The following PCSK5 variants were observed in gnomAD, a reference collection of about 807,000 sequenced individuals.
PCSK5 encodes prohormone convertase 5.
PCSK5 carries 129 observed loss-of-function variants against 233.2 expected under a neutral mutation model. That is an observed-to-expected ratio of 0.55 (90% CI 0.48 to 0.64). The LOEUF (loss-of-function observed/expected upper bound fraction) is 0.64, where lower values mean the gene tolerates loss of function less well. Ranked by LOEUF, PCSK5 falls within the 30% of genes least tolerant of loss-of-function variation. The pLI, the probability that PCSK5 is intolerant of heterozygous loss-of-function variation, is 0.00. For missense variants in PCSK5, 2,076 were observed against 2,430.1 expected, an observed-to-expected ratio of 0.85 and a Z score of 3.06; for synonymous variants, 825 against 879.2, an observed-to-expected ratio of 0.94 and a Z score of 1.09.
chr9:76,130,615 A>C (rs1187888412), intron 9 of PCSK5, among the ~76,000 whole-genome samples: 1 of 152,208 alleles, frequency 6.6e-6, no homozygotes, highest in East Asian at 1.9e-4. Context: ...AGTGCTCACT[A>C]GATGTTGGTT....
intron 7 of PCSK5, among the ~76,000 whole-genome samples, chr9:76,088,796 A>G (rs1831166393): frequency 6.6e-6 from 1 of 152,310 alleles, no homozygotes; most frequent in East Asian, 1.9e-4. Context: ...GTTATGATAA[A>G]TGTTATCAAA....
intron 7 of PCSK5, among the ~76,000 whole-genome samples, chr9:76,091,001 C>T (rs1400720685): frequency 6.6e-6 from 1 of 151,982 alleles, no homozygotes; most frequent in East Asian, 1.9e-4. Flanking sequence ...AATCCATTGC[C>T]ACTGCTGATC....
chr9:76,281,768 C>A (rs768691573), intron 24 of PCSK5, among the ~76,000 whole-genome samples: 1 of 152,208 alleles, frequency 6.6e-6, no homozygotes, highest in Non-Finnish European at 1.5e-5. Context: ...TCCACCTCAG[C>A]CTCCTGGGTT....
intron 20 of PCSK5, 83 bp from the exon 21 acceptor site, chr9:76,227,420 A>C: frequency 1.1e-6 from 1 of 932,278 alleles, no homozygotes. Flanking sequence ...AGGCAGCCAC[A>C]GAGATCTGGC....
intron 5 of PCSK5, 140 bp downstream of exon 5, chr9:76,027,177 A>T: frequency 1.7e-6 from 1 of 574,882 alleles, no homozygotes; most frequent in Non-Finnish European, 3.2e-6. Flanking sequence ...GTGTCTTTCC[A>T]CTGAAGCCTC....
Position 76,064,535 on chromosome 9 carries a change from G to C in PCSK5, c.633-3420G>C, listed in dbSNP as rs866596201. 2.0e-5 allele frequency among the ~76,000 whole-genome samples: 3 copies of C among 150,286 alleles called. 1 individual carries two copies. The South Asian group carries it at 6.3e-4, about 31-fold the overall frequency. ...AACCCCCCCAACCTCCCTCCCGGAC[G>C]GGGTGGCTGCCGGGCGGAGACGCTC... On this transcript the variant is annotated intron_variant, in intron 5 of 37. Coordinates refer to ENST00000674117, the MANE Select transcript of PCSK5 (RefSeq NM_001372043.1).
intron 24 of PCSK5, among the ~76,000 whole-genome samples, chr9:76,243,757 A>T (rs1483319130): frequency 1.6e-5 from 2 of 125,122 alleles, no homozygotes; most frequent in Non-Finnish European, 3.5e-5. Context: ...TGCCCAGGAC[A>T]TAATAAATAT....
Position 76,280,107 on chromosome 9 carries a change from TG to T in PCSK5, c.3143-12125del, listed in dbSNP as rs1377808042. On this transcript the variant is annotated intron_variant, in intron 24 of 37. Coordinates refer to ENST00000674117, the MANE Select transcript of PCSK5 (RefSeq NM_001372043.1). Reference sequence around the variant, plus strand: ...ACTTTGTGTCTCTGTGTCACATTTTTGTAATTCTCACAATATTTTGAACTTT... The same window carrying T: ...ACTTTGTGTCTCTGTGTCACATTTTTTAATTCTCACAATATTTTGAACTTT... Among the ~76,000 whole-genome samples, 5 of 152,312 alleles carry T rather than the reference TG, an allele frequency of 3.3e-5. No homozygotes were observed. The South Asian group carries it at 6.2e-4, about 19-fold the overall frequency.
chr9:76,069,174 T>C (rs1830392454), intron 6 of PCSK5, among the ~76,000 whole-genome samples: 1 of 152,078 alleles, frequency 6.6e-6, no homozygotes, highest in Non-Finnish European at 1.5e-5. Flanking sequence ...ACAATGCATA[T>C]GAAAGAGCTA....
intron 24 of PCSK5, among the ~76,000 whole-genome samples, chr9:76,264,135 GA>G (rs1420580873): frequency 6.6e-6 from 1 of 152,130 alleles, no homozygotes; most frequent in African/African-American, 2.4e-5. Context: ...ACAGATTAGA[GA>G]ATCCAGAAAT....
At position 76,358,777 on chromosome 9, in the gene PCSK5, G is replaced by T. The variant is rs533035572; in HGVS notation, c.5519G>T (p.Arg1840Leu). The change falls in exon 38 of 38, where the codon CGG (arginine) becomes CTG (leucine). Residue 1840 changes from arginine to leucine, a missense_variant. Arg to Leu is a moderately radical substitution (Grantham distance 102, BLOSUM62 -2). Transcript: ENST00000674117. ...GATCAGGTGATTGAGTACAGGGATC[G>T]GGACTATGATGAGGATGATGATGAT... ...EEDQVIEYRD[R>L]DYDEDDDDDI... The T allele has an allele frequency of 8.1e-6, 13 of 1,612,930 alleles. No homozygotes were observed. Among genetic ancestry groups the T allele is most frequent in the Non-Finnish European group, 1.0e-5 (12 of 1,179,888 alleles).
At chr9:76,312,685 A>G (rs891237012) in intron 30 of PCSK5, among the ~76,000 whole-genome samples, 3 of 152,210 alleles carry the variant, frequency 2.0e-5, no homozygotes, top group African/African-American at 7.2e-5. Context: ...AAAGCCAAGC[A>G]TATTCAGCTC....
At chr9:76,322,749 C>T (rs974678891) in intron 31 of PCSK5, among the ~76,000 whole-genome samples, 5 of 152,244 alleles carry the variant, frequency 3.3e-5, no homozygotes, top group Admixed American at 6.5e-5. Flanking sequence ...CAAACAATAC[C>T]GCCAGCCTCT....
chr9:76,095,594 G>A (rs1314726861), intron 7 of PCSK5, among the ~76,000 whole-genome samples: 1 of 152,156 alleles, frequency 6.6e-6, no homozygotes, highest in East Asian at 1.9e-4. Context: ...AATTGTGCCA[G>A]CCTCACAGGA....
chr9:76,114,558 T>C (rs1832351691), intron 9 of PCSK5, among the ~76,000 whole-genome samples: 1 of 152,116 alleles, frequency 6.6e-6, no homozygotes, highest in Non-Finnish European at 1.5e-5. Context: ...TATCTTGAAA[T>C]GTAGCCAGTG....
chr9:76,103,671 C>G (rs1564028046), intron 8 of PCSK5, among the ~76,000 whole-genome samples: 2 of 152,130 alleles, frequency 1.3e-5, no homozygotes, highest in Non-Finnish European at 2.9e-5. Flanking sequence ...ATAGTGGAGT[C>G]CAAAAAACCA....
intron 3 of PCSK5, among the ~76,000 whole-genome samples, chr9:76,006,561 C>T (rs1439388086): frequency 1.3e-5 from 2 of 151,960 alleles, no homozygotes; most frequent in South Asian, 2.1e-4. Flanking sequence ...CCTGTTTTAC[C>T]GTTTCTGTCT....
rs192574050 is a variant in PCSK5, at chr9:76,004,169, G to A, written c.411+17924G>A. ...ATTGCAGGAATGGGAAACTGAGGAG[G>A]GTAGGAAGTGGTCTTTCATGTTGAT... On this transcript the variant is annotated intron_variant, in intron 3 of 37. Transcript: ENST00000674117. Among the ~76,000 whole-genome samples the A allele has an allele frequency of 2.1e-3, 323 of 152,148 alleles. 1 individual carries two copies. The highest frequency in any genetic ancestry group is 7.6e-3 in the African/African-American group (316 of 41,526).
chr9:76,044,791 A>G lies in PCSK5; in HGVS notation c.632+17754A>G, dbSNP rs567827991. Among the ~76,000 whole-genome samples, 6 of 152,354 alleles carry G rather than the reference A, an allele frequency of 3.9e-5. No homozygotes were observed. In the South Asian group the frequency reaches 1.2e-3, roughly 32 times the overall value. ...TTGTATTTTAAGTGTGCAAATAGTC[A>G]AAGTAATACTTGAATTTTTATTTAT... On this transcript the variant is annotated intron_variant, in intron 5 of 37. Transcript: ENST00000674117.
Sources: allele counts gnomAD v4.1 joint callset (sites outside exome capture counted in the v4.1 genomes callset), GRCh38; gene constraint gnomAD v4.1.1; transcripts MANE v1.5; gene names NCBI Gene and HGNC (gene_info 2026-07-23, HGNC 2026-07-21).